Variants in AXL observed in about 807,000 individuals in gnomAD.
AXL encodes the protein AXL receptor tyrosine kinase.
A neutral mutation model predicts 104.5 loss-of-function variants in AXL; 52 were observed. That is an observed-to-expected ratio of 0.50 (90% CI 0.40 to 0.63). The LOEUF is 0.63. Among genes scored for constraint, AXL ranks in the 20% least tolerant of loss-of-function variants. AXL has a pLI of 0.00. For synonymous variants in AXL, 455 were observed against 473.7 expected (o/e 0.96, Z 0.51); for missense variants, 1,024 against 1,188.5 (o/e 0.86, Z 2.04).
chr19:41,224,563 T>C (rs1013019836), intron 4 of AXL, among the ~76,000 whole-genome samples: 2 of 152,118 alleles, frequency 1.3e-5, no homozygotes, highest in Admixed American at 6.6e-5. Context: ...TTGAATTTTT[T>C]GGTAGAGACA....
chr19:41,238,328 C>A, intron 7 of AXL, 142 bp from the exon 8 acceptor site: 2 of 1,469,062 alleles, frequency 1.4e-6, no homozygotes, highest in Non-Finnish European at 1.9e-6. Context: ...CAGCCCTTCT[C>A]TCCCCTGTGC....
intron 12 of AXL, among the ~76,000 whole-genome samples, chr19:41,246,091 G>A (rs1488774998): frequency 2.0e-5 from 3 of 152,162 alleles, no homozygotes; most frequent in Admixed American, 6.6e-5. Flanking sequence ...GCTCCCTGAC[G>A]TGGGATGATG....
chr19:41,220,530 G>A lies in AXL; in HGVS notation c.86-106G>A, dbSNP rs561745643. 8.5e-5 allele frequency: 80 copies of A among 945,592 alleles called. No homozygotes were observed. In the African/African-American group the frequency reaches 1.2e-3, roughly 14 times the overall value. 58.6% of individuals were successfully genotyped at this position (945,592 alleles called of 1,614,324 possible). A position where few individuals can be genotyped will look rare whatever the true frequency, so the allele number is the denominator to read the frequency against. On this transcript the variant is annotated intron_variant, in intron 1 of 19. Coordinates refer to ENST00000301178, the MANE Select transcript of AXL (RefSeq NM_021913.5). Reference sequence around the variant, plus strand: ...ACTCTGCAACTATGTCGGCCTAAGGGCCTGGCGGGGTCCTGGCCGCCGGTG... The same window carrying A: ...ACTCTGCAACTATGTCGGCCTAAGGACCTGGCGGGGTCCTGGCCGCCGGTG...
At chr19:41,222,411 G>C (rs1230443082) in intron 4 of AXL, among the ~76,000 whole-genome samples, 1 of 152,108 alleles carries the variant, frequency 6.6e-6, no homozygotes, top group Admixed American at 6.6e-5. Flanking sequence ...CATGGCTCGA[G>C]TGCGTGTGGG....
chr19:41,239,660 G>A lies in AXL; in HGVS notation c.1286-34G>A, dbSNP rs757448470. ...GTGCCACGCCAGTCTTGTCCTCTCT[G>A]AGCACATCTCCTCTCTGTCCTTTCT... On this transcript the variant is annotated intron_variant, in intron 9 of 19. Coordinates refer to ENST00000301178, the MANE Select transcript of AXL (RefSeq NM_021913.5). 30 of 1,613,806 alleles carry A rather than the reference G, an allele frequency of 1.9e-5. No individual in the cohort carries two copies. The Admixed American group carries it at 4.8e-4, about 26-fold the overall frequency.
chr19:41,226,611 A>G, intron 4 of AXL: 1 of 416,852 alleles, frequency 2.4e-6, no homozygotes, highest in Non-Finnish European at 3.2e-6. Flanking sequence ...TCCCTTGCCA[A>G]CGCGGTGGGA....
chr19:41,253,653 G>A lies in AXL; in HGVS notation c.1981G>A (p.Glu661Lys), dbSNP rs2122280079. ...CATGGCAGACATCGCCAGTGGCATG[G>A]AGTATCTGAGTACCAAGAGATTCAT... ...KFMADIASGM[E>K]YLSTKRFIHR... Residue 661 changes from glutamate to lysine, a missense_variant, in exon 17 of 20, where the codon GAG (glutamate) becomes AAG (lysine). Around this residue, in one of 5 missense-constraint regions of AXL, gnomAD observed 523 missense variants for 636.0 expected, o/e 0.82. Transcript: ENST00000301178. The A allele has an allele frequency of 6.2e-7, 1 of 1,613,922 alleles. No homozygotes were observed. The highest frequency in any genetic ancestry group is 1.3e-5 in the African/African-American group (1 of 74,966).
At chr19:41,238,240 C>T in intron 7 of AXL, 86 bp downstream of exon 7, 2 of 1,507,742 alleles carry the variant, frequency 1.3e-6, no homozygotes, top group Non-Finnish European at 1.8e-6. Context: ...CCCTTTCACT[C>T]CTTTACCCCT....
rs752231721 is a variant in AXL, at chr19:41,220,820, G to A, written c.270G>A (p.Glu90=). 1 of 1,614,096 alleles carries A rather than the reference G, an allele frequency of 6.2e-7. No individual in the cohort carries two copies. Among genetic ancestry groups the A allele is most frequent in the Non-Finnish European group, 8.5e-7 (1 of 1,179,994 alleles). ...CCCAGACCCAGGTGCCCCTGGGTGA[G>A]GATGAACAGGATGACTGGATAGTGG... The part of the protein sequence containing the change: ...DSTQTQVPLG[E]DEQDDWIVVS... The change falls in exon 2 of 20, where the codon GAG becomes GAA. Residue 90 remains glutamate (E), a synonymous_variant. Coordinates refer to ENST00000301178, the MANE Select transcript of AXL (RefSeq NM_021913.5).
chr19:41,230,672 T>C (rs1030209969), intron 4 of AXL, among the ~76,000 whole-genome samples: 13 of 151,776 alleles, frequency 8.6e-5, no homozygotes, highest in African/African-American at 3.1e-4. Context: ...AGAATGTGTG[T>C]GTGAGACAGT....
At chr19:41,251,839 C>T (rs921777811) in intron 14 of AXL, among the ~76,000 whole-genome samples, 11 of 151,988 alleles carry the variant, frequency 7.2e-5, no homozygotes, top group East Asian at 3.9e-4. Flanking sequence ...GTTGGCCAAG[C>T]GCAGTGGCTG....
chr19:41,252,035 C>T (rs1028874932), intron 14 of AXL, among the ~76,000 whole-genome samples: 3 of 150,166 alleles, frequency 2.0e-5, no homozygotes, highest in Admixed American at 2.0e-4. Context: ...ATTGCTTGAA[C>T]CCGAGAGGCG....
rs373017958 is a variant in AXL, at chr19:41,243,611, C to G, written c.1446-5C>G. 62 of 1,613,506 alleles carry G rather than the reference C, an allele frequency of 3.8e-5. No homozygotes were observed. The highest frequency in any genetic ancestry group is 3.3e-4 in the Middle Eastern group (2 of 6,084). On this transcript the variant is annotated splice_region_variant and splice_polypyrimidine_tract_variant and intron_variant, in intron 11 of 19. Coordinates refer to ENST00000301178, the MANE Select transcript of AXL (RefSeq NM_021913.5). ...CTGCCCTCACCTACTCCCCCTCCCCCCCAGAGAAGTGTTTGAACCAACAGT... is the reference window on the plus strand; with the variant it reads ...CTGCCCTCACCTACTCCCCCTCCCCGCCAGAGAAGTGTTTGAACCAACAGT...
At chr19:41,226,417 GC>G (rs1345090042) in intron 4 of AXL, among the ~76,000 whole-genome samples, 1 of 152,168 alleles carries the variant, frequency 6.6e-6, no homozygotes, top group African/African-American at 2.4e-5. Flanking sequence ...GGCTGCGGGC[GC>G]GGGGCCTTCA....
At chr19:41,246,274 C>G (rs1205376065) in intron 12 of AXL, among the ~76,000 whole-genome samples, 2 of 151,946 alleles carry the variant, frequency 1.3e-5, no homozygotes, top group African/African-American at 2.4e-5. Context: ...ATGGTGAAAC[C>G]CCATTTCTAC....
At chr19:41,245,709 G>A (rs1173252943) in intron 12 of AXL, among the ~76,000 whole-genome samples, 3 of 128,724 alleles carry the variant, frequency 2.3e-5, no homozygotes, top group Non-Finnish European at 3.2e-5. Context: ...GCAAGACACC[G>A]TCTCAAAAAA....
At chr19:41,248,641 C>A in intron 13 of AXL, 32 bp downstream of exon 13, 1 of 1,612,838 alleles carries the variant, frequency 6.2e-7, no homozygotes, top group Non-Finnish European at 8.5e-7. Flanking sequence ...ACACATCCTT[C>A]TGAACTTCTG....
In AXL at chr19:41,239,646, G is replaced by A. The variant is rs907586848; in HGVS notation, c.1286-48G>A. 1.9e-6 allele frequency: 3 copies of A among 1,613,048 alleles called. No homozygotes were observed. The African/African-American group carries it at 4.0e-5, about 22-fold the overall frequency. On this transcript the variant is annotated intron_variant, in intron 9 of 19. Coordinates refer to ENST00000301178, the MANE Select transcript of AXL (RefSeq NM_021913.5). ...TTACTCCCTTACCCGTGCCACGCCA[G>A]TCTTGTCCTCTCTGAGCACATCTCC... is the stretch of plus-strand genomic sequence containing the variant.
rs559137092 is a variant in AXL, at chr19:41,237,452, C to T, written c.784-492C>T. ...AGAGATGGGGTTTCACCACGTTGGCCAGGCTGGTCTTGAACTCCTAACCTC... is the reference window on the plus strand; with the variant it reads ...AGAGATGGGGTTTCACCACGTTGGCTAGGCTGGTCTTGAACTCCTAACCTC... On this transcript the variant is annotated intron_variant, in intron 6 of 19. Coordinates refer to ENST00000301178, the MANE Select transcript of AXL (RefSeq NM_021913.5). Among the ~76,000 whole-genome samples, 7 of 152,266 alleles carry T rather than the reference C, an allele frequency of 4.6e-5. No individual in the cohort carries two copies. In the South Asian group the frequency reaches 1.4e-3, roughly 32 times the overall value.
Sources: allele counts gnomAD v4.1 joint callset (sites outside exome capture counted in the v4.1 genomes callset), GRCh38; gene constraint gnomAD v4.1.1; regional missense constraint gnomAD v4.1.1; transcripts MANE v1.5; gene names NCBI Gene and HGNC (gene_info 2026-07-23, HGNC 2026-07-21).